MAPK8IP3: variants seen among roughly 807,000 people sequenced by gnomAD.
MAPK8IP3 encodes mitogen-activated protein kinase 8 interacting protein 3, also known as C-Jun-amino-terminal kinase-interacting protein 3.
A neutral mutation model predicts 157.8 loss-of-function variants in MAPK8IP3; 49 were observed. That is an observed-to-expected ratio of 0.31 (90% CI 0.25 to 0.39). The LOEUF (loss-of-function observed/expected upper bound fraction) is 0.39. Ranked by LOEUF, MAPK8IP3 falls within the 10% of genes least tolerant of loss-of-function variation. MAPK8IP3 has a pLI of 1.00. For missense variants in MAPK8IP3, 1,478 were observed against 1,889.4 expected (o/e 0.78, Z 4.04); for synonymous variants, 897 against 777.7 (o/e 1.15, Z -2.55).
intron 3 of MAPK8IP3, 45 bp from the exon 4 acceptor site, chr16:1,729,442 C>A: frequency 1.3e-6 from 2 of 1,548,180 alleles, no homozygotes; most frequent in Non-Finnish European, 1.8e-6. Flanking sequence ...GGGACGGAGA[C>A]AGCCCCCCAC....
At chr16:1,737,114 CTGTG>C (rs1350999161) in intron 4 of MAPK8IP3, among the ~76,000 whole-genome samples, 9 of 58,390 alleles carry the variant, frequency 1.5e-4, no homozygotes, top group African/African-American at 5.4e-4. Flanking sequence ...ATGTGAGCAT[CTGTG>C]TGACCGTCCG....
At chr16:1,758,863 T>G (rs915271248) in intron 9 of MAPK8IP3, 115 bp from the exon 10 acceptor site, 2 of 1,146,334 alleles carry the variant, frequency 1.7e-6, no homozygotes, top group African/African-American at 3.0e-5. Flanking sequence ...GACCCAGCTC[T>G]GAATTCCTCC....
At chr16:1,760,770 C>A (rs1178409581) in intron 12 of MAPK8IP3, among the ~76,000 whole-genome samples, 1 of 152,224 alleles carries the variant, frequency 6.6e-6, no homozygotes, top group African/African-American at 2.4e-5. Context: ...GCACAGCTCC[C>A]ACCATCCCAC....
chr16:1,746,855 T>G, intron 5 of MAPK8IP3, 174 bp from the exon 6 acceptor site: 2 of 698,536 alleles, frequency 2.9e-6, no homozygotes, highest in Non-Finnish European at 2.3e-6. Flanking sequence ...CACTCGGGAG[T>G]GGTGAGGCCC....
At chr16:1,708,125 G>C (rs2037520107) in intron 1 of MAPK8IP3, among the ~76,000 whole-genome samples, 1 of 152,214 alleles carries the variant, frequency 6.6e-6, no homozygotes, top group South Asian at 2.1e-4. Flanking sequence ...ATGGATTTTG[G>C]AGCTCAGGGT....
chr16:1,744,456 C>T (rs544511884), intron 5 of MAPK8IP3: 2 of 985,704 alleles, frequency 2.0e-6, no homozygotes, highest in Non-Finnish European at 2.4e-6. Flanking sequence ...CTGCGCTGCT[C>T]TGGGAGCGAG....
At chr16:1,760,222 T>A in intron 11 of MAPK8IP3, 158 bp from the exon 12 acceptor site, 1 of 1,032,354 alleles carries the variant, frequency 9.7e-7, no homozygotes, top group Non-Finnish European at 1.4e-6. Flanking sequence ...AAGGGTGCTA[T>A]AGGGTTTAGC....
At chr16:1,728,011 GCTGT>G (rs1329212476) in intron 2 of MAPK8IP3, among the ~76,000 whole-genome samples, 1 of 152,232 alleles carries the variant, frequency 6.6e-6, no homozygotes, top group Non-Finnish European at 1.5e-5. Flanking sequence ...ACTCCCTGGG[GCTGT>G]CTCTCACCTC....
rs2042436445 is a variant in MAPK8IP3 at position 1,768,723 on chromosome 16, A to G, written c.3913A>G (p.Thr1305Ala). ...CGCAGGAGACGGAGAGGACGACGAGACGGAGGAGGGCGCAGGGGACATGAG... is the reference window on the plus strand; with the variant it reads ...CGCAGGAGACGGAGAGGACGACGAGGCGGAGGAGGGCGCAGGGGACATGAG... ...FRIGDGEDDE[T>A]EEGAGDMSQV... is the part of the protein sequence containing the mutation. The change falls in exon 32 of 32, where the codon ACG (threonine) becomes GCG (alanine). Residue 1305 changes from threonine (T) to alanine (A), a missense_variant. Physicochemically the swap from Thr to Ala is moderately conservative, Grantham distance 58. Coordinates refer to ENST00000610761, the MANE Select transcript of MAPK8IP3 (RefSeq NM_001318852.2). 1 of 1,612,502 alleles carries G rather than the reference A, an allele frequency of 6.2e-7. No individual in the cohort carries two copies.
chr16:1,744,106 G>A (rs891475772), intron 5 of MAPK8IP3: 2 of 985,892 alleles, frequency 2.0e-6, no homozygotes, highest in Admixed American at 6.1e-5. Flanking sequence ...CAGAGCACAG[G>A]GGCCCAGAGC....
chr16:1,728,914 C>T (rs2039098309), intron 2 of MAPK8IP3, among the ~76,000 whole-genome samples: 1 of 151,610 alleles, frequency 6.6e-6, no homozygotes, highest in Admixed American at 6.6e-5. Context: ...GTACAGGGCA[C>T]AGCAGCCCCC....
chr16:1,766,216 A>G lies in MAPK8IP3; in HGVS notation c.2630-4A>G, dbSNP rs1408151014. On this transcript the variant is annotated splice_region_variant and splice_polypyrimidine_tract_variant and intron_variant, in intron 21 of 31. Transcript: ENST00000610761. ...CCAGCCCAAGCTCACCTCTCCTAAC[A>G]CAGGGGAGGTGGCCACCATCGCCAA... The G allele has an allele frequency of 2.5e-6, 4 of 1,608,646 alleles. No homozygotes were observed. The highest frequency in any genetic ancestry group is 1.3e-5 in the African/African-American group (1 of 74,940).
rs141314328 is a variant in MAPK8IP3, at chr16:1,742,770, A to G, written c.603-562A>G. ...CCGTGCAGCGCTGACCGTGATGCCA[A>G]GTCCCGTGGCTGGCTCTGCTGTGGG... On this transcript the variant is annotated intron_variant, in intron 4 of 31. Coordinates refer to ENST00000610761, the MANE Select transcript of MAPK8IP3 (RefSeq NM_001318852.2). This position sits in a 1 kb window ranked among gnomAD's most constrained non-coding sequence, Gnocchi z 5.0. Among the ~76,000 whole-genome samples, 408 of 152,276 alleles carry G rather than the reference A, an allele frequency of 2.7e-3. 4 individuals are homozygous for G. The highest frequency in any genetic ancestry group is 8.8e-3 in the African/African-American group (367 of 41,550).
Position 1,762,344 on chromosome 16 carries a change from TC to T in MAPK8IP3, c.1540-5del. ...CTGGCTGAGCCTCTGTGCCCCTCCC[TC>T]CGCAGGACAAAATCCCCATGGCCCA... On this transcript the variant is annotated splice_polypyrimidine_tract_variant and splice_region_variant and intron_variant, in intron 13 of 31. Coordinates refer to ENST00000610761, the MANE Select transcript of MAPK8IP3 (RefSeq NM_001318852.2). 1 of 1,566,036 alleles carries T rather than the reference TC, an allele frequency of 6.4e-7. No homozygotes were observed. The highest frequency in any genetic ancestry group is 8.6e-7 in the Non-Finnish European group (1 of 1,156,434).
chr16:1,707,357 G>C (rs1169238664), intron 1 of MAPK8IP3: 1 of 152,300 alleles, frequency 6.6e-6, no homozygotes, highest in Non-Finnish European at 1.5e-5. Context: ...AGTTTCTGGA[G>C]GTGATGTCTT....
intron 4 of MAPK8IP3, among the ~76,000 whole-genome samples, chr16:1,737,328 G>T (rs1254642721): frequency 9.5e-6 from 1 of 105,258 alleles, no homozygotes; most frequent in Non-Finnish European, 1.9e-5. Flanking sequence ...GTCCGTGTGA[G>T]CATCCGTGTG....
rs368783950 is a variant in MAPK8IP3, at chr16:1,706,429, G to A, written c.90G>A (p.Ser30=). The A allele has an allele frequency of 6.2e-7, 1 of 1,613,746 alleles. No homozygotes were observed. The highest frequency in any genetic ancestry group is 1.7e-5 in the Admixed American group (1 of 60,010). ...GCTCGGTGATGTCGGAGCGGGTGTC[G>A]GGCCTGGCGGGCTCCATCTACCGCG... is the stretch of plus-strand genomic sequence containing the variant. ...CSGSVMSERV[S]GLAGSIYREF... is the part of the protein sequence containing the mutation. The change falls in exon 1 of 32, where the codon TCG becomes TCA. Residue 30 remains serine (S), a synonymous_variant. Coordinates refer to ENST00000610761, the MANE Select transcript of MAPK8IP3 (RefSeq NM_001318852.2). This position sits in a 1 kb window ranked among gnomAD's most constrained non-coding sequence, Gnocchi z 5.1.
Position 1,739,822 on chromosome 16 carries a change from G to C in MAPK8IP3, c.603-3510G>C, listed in dbSNP as rs367902907. 6.7e-3 allele frequency among the ~76,000 whole-genome samples: 789 copies of C among 118,466 alleles called. 31 individuals are homozygous for C. The highest frequency in any genetic ancestry group is 0.026 in the African/African-American group (741 of 28,666). The allele number at this position is 118,466 out of a possible 152,430, so 77.7% of individuals were successfully genotyped here. A position where few individuals can be genotyped will look rare whatever the true frequency, so the allele number is the denominator to read the frequency against. On this transcript the variant is annotated intron_variant, in intron 4 of 31. Transcript: ENST00000610761. ...TGTGACCATCCGTGTGAGCGTGTGA[G>C]CATCCGTGTGACCGTCCGTGTGAGC...
At chr16:1,765,274 G>A (rs1237023748) in intron 20 of MAPK8IP3, 96 bp downstream of exon 20, 1 of 1,391,664 alleles carries the variant, frequency 7.2e-7, no homozygotes, top group South Asian at 1.4e-5. Context: ...CCTTCTCGGG[G>A]TGTCCTGTGG....
Sources: allele counts gnomAD v4.1 joint callset (sites outside exome capture counted in the v4.1 genomes callset), GRCh38; gene constraint gnomAD v4.1.1; non-coding constraint Gnocchi (gnomAD v3.1); transcripts MANE v1.5; gene names NCBI Gene and HGNC (gene_info 2026-07-23, HGNC 2026-07-21).